The following SVIL variants were observed in gnomAD, a reference collection of about 807,000 sequenced individuals.
SVIL encodes supervillin.
In SVIL, 101 loss-of-function variants were observed where a neutral mutation model predicts 240.4. The ratio of observed to expected loss-of-function variants is 0.42; its 90% CI spans 0.36 to 0.50. The LOEUF (loss-of-function observed/expected upper bound fraction) is 0.50, where lower values mean the gene tolerates loss of function less well. Ranked by LOEUF, SVIL falls within the 20% of genes least tolerant of loss-of-function variation. The pLI is 0.01. For missense variants in SVIL, 2,512 were observed against 2,818.7 expected (o/e 0.89, Z 2.46); for synonymous variants, 999 against 1,100.0 (o/e 0.91, Z 1.82).
intron 5 of SVIL, 56 bp from the exon 6 acceptor site, chr10:29,551,319 A>G: frequency 1.3e-6 from 2 of 1,491,446 alleles, no homozygotes; most frequent in Middle Eastern, 4.2e-4. Flanking sequence ...ACATGTATTT[A>G]CACACAGAAT....
At chr10:29,613,422 T>C (rs2132881883) in intron 1 of SVIL, among the ~76,000 whole-genome samples, 1 of 152,232 alleles carries the variant, frequency 6.6e-6, no homozygotes, top group East Asian at 1.9e-4. Flanking sequence ...AACCTCGAAC[T>C]CCTGGGCTCA....
intron 1 of SVIL, among the ~76,000 whole-genome samples, chr10:29,620,617 T>C (rs1247925153): frequency 1.3e-5 from 2 of 152,214 alleles, no homozygotes; most frequent in African/African-American, 2.4e-5. Flanking sequence ...AGTGAGGTAT[T>C]ATCCCTGCTT....
chr10:29,658,113 T>C (rs934271522), intron 2 of SVIL: 1 of 152,084 alleles, frequency 6.6e-6, no homozygotes, highest in South Asian at 2.1e-4. Flanking sequence ...AGAAAGAAAA[T>C]AGCAAACAAT....
intron 6 of SVIL, among the ~76,000 whole-genome samples, chr10:29,542,475 C>T (rs772257746): frequency 1.7e-4 from 26 of 152,036 alleles, no homozygotes; most frequent in Admixed American, 6.6e-5. Flanking sequence ...AAATCCTCTT[C>T]TGGGTATGAC....
chr10:29,589,023 A>T (rs990038336), intron 1 of SVIL, among the ~76,000 whole-genome samples: 2 of 151,898 alleles, frequency 1.3e-5, no homozygotes, highest in Middle Eastern at 3.2e-3. Flanking sequence ...CTTTTTCCCC[A>T]GGAGCATCCT....
At chr10:29,552,856 C>A (rs1282281551) in intron 5 of SVIL, among the ~76,000 whole-genome samples, 1 of 151,996 alleles carries the variant, frequency 6.6e-6, no homozygotes, top group African/African-American at 2.4e-5. Flanking sequence ...TTAAATAATT[C>A]CTCCTTTTCT....
At chr10:29,663,058 A>G (rs1322002620) in intron 2 of SVIL, among the ~76,000 whole-genome samples, 2 of 152,206 alleles carry the variant, frequency 1.3e-5, no homozygotes, top group Non-Finnish European at 2.9e-5. Context: ...GGCTGCAGTG[A>G]GCTATGATCA....
At chr10:29,699,534 C>G (rs545083793) in intron 1 of SVIL, among the ~76,000 whole-genome samples, 2 of 152,290 alleles carry the variant, frequency 1.3e-5, no homozygotes, top group Non-Finnish European at 2.9e-5. Flanking sequence ...CAACTCCTGA[C>G]CTCAGATGAT....
intron 1 of SVIL, among the ~76,000 whole-genome samples, chr10:29,610,448 A>ATT (rs113668853): frequency 0.11 from 14,963 of 136,954 alleles, 1,129 homozygotes; most frequent in East Asian, 0.15. Context: ...TTCACTCTGC[A>ATT]TTTTTTTTTT....
intron 27 of SVIL, among the ~76,000 whole-genome samples, chr10:29,482,187 C>T (rs1004208049): frequency 5.3e-5 from 8 of 152,108 alleles, no homozygotes; most frequent in South Asian, 2.1e-4. Flanking sequence ...TGCCACCATG[C>T]GTAGCTAATT....
chr10:29,496,600 T>G (rs1400436712), intron 18 of SVIL: 1 of 292,090 alleles, frequency 3.4e-6, no homozygotes, highest in African/African-American at 2.2e-5. Context: ...TATGCAAACG[T>G]GCTCCCCACC....
At chr10:29,673,780 G>A (rs544831792) in intron 2 of SVIL, among the ~76,000 whole-genome samples, 5 of 152,250 alleles carry the variant, frequency 3.3e-5, no homozygotes, top group Admixed American at 3.3e-4. Flanking sequence ...AGATTTGGGT[G>A]GGGGCACAGA....
chr10:29,523,435 G>T lies in SVIL; in HGVS notation c.3163+16C>A. 1 of 1,573,752 alleles carries T rather than the reference G, an allele frequency of 6.4e-7. No homozygotes were observed. Among genetic ancestry groups the T allele is most frequent in the Non-Finnish European group, 8.6e-7 (1 of 1,160,722 alleles). ...CCCAGTGGCTTTCTAAAGCTTTAGG[G>T]GCACTGGTCACTTACCTCTTAGTGA... On this transcript the variant is annotated intron_variant, in intron 15 of 37. Coordinates refer to ENST00000355867, the MANE Select transcript of SVIL (RefSeq NM_021738.3).
chr10:29,585,085 C>CT (rs142015712), intron 1 of SVIL, among the ~76,000 whole-genome samples: 22,895 of 132,230 alleles, frequency 0.17, 2,066 homozygotes, highest in African/African-American at 0.24. Flanking sequence ...TATTCTTCTT[C>CT]CTTTTTTTTT....
At chr10:29,654,501 A>C (rs1027753057) in intron 3 of SVIL, among the ~76,000 whole-genome samples, 5 of 152,178 alleles carry the variant, frequency 3.3e-5, no homozygotes, top group Non-Finnish European at 5.9e-5. Flanking sequence ...TTTCTTTTCC[A>C]ATCTGGAAGC....
chr10:29,727,268 A>G (rs1964344033), intron 1 of SVIL, among the ~76,000 whole-genome samples: 1 of 152,156 alleles, frequency 6.6e-6, no homozygotes, highest in African/African-American at 2.4e-5. Context: ...TGCTGAAACA[A>G]AGATTCCTTG....
In SVIL at chr10:29,465,766, G is replaced by C; in HGVS notation, c.5978-16C>G. The C allele has an allele frequency of 6.2e-7, 1 of 1,609,392 alleles. No homozygotes were observed. Among genetic ancestry groups the C allele is most frequent in the Non-Finnish European group, 8.5e-7 (1 of 1,178,608 alleles). On this transcript the variant is annotated splice_polypyrimidine_tract_variant and intron_variant, in intron 33 of 37. Coordinates refer to ENST00000355867, the MANE Select transcript of SVIL (RefSeq NM_021738.3). Reference sequence around the variant, plus strand: ...CTTCCAGGATCTTTGAAAGAAAAGAGAACAAAGCTGAAGATATCATGTGCA... The same window carrying C: ...CTTCCAGGATCTTTGAAAGAAAAGACAACAAAGCTGAAGATATCATGTGCA...
intron 1 of SVIL, among the ~76,000 whole-genome samples, chr10:29,701,698 T>C (rs1399274497): frequency 6.6e-6 from 1 of 152,220 alleles, no homozygotes; most frequent in East Asian, 1.9e-4. Flanking sequence ...CATAAAATAG[T>C]TACTTATGTT....
intron 1 of SVIL, among the ~76,000 whole-genome samples, chr10:29,617,555 T>C (rs143096170): frequency 0.011 from 1,562 of 145,954 alleles, 31 homozygotes; most frequent in African/African-American, 0.038. Flanking sequence ...CACTCCAGCC[T>C]GGGCGAAAAA....
Sources: allele counts gnomAD v4.1 joint callset (sites outside exome capture counted in the v4.1 genomes callset), GRCh38; gene constraint gnomAD v4.1.1; transcripts MANE v1.5; gene names NCBI Gene and HGNC (gene_info 2026-07-23, HGNC 2026-07-21).